The following DAZL variants were observed in gnomAD, a reference collection of about 807,000 sequenced individuals.
The protein encoded by DAZL is deleted in azoospermia-like.
Under a neutral mutation model 45.0 loss-of-function variants are expected in DAZL, and 4 were observed. That is an observed-to-expected ratio of 0.09 (90% CI 0.04 to 0.20). The LOEUF (loss-of-function observed/expected upper bound fraction) is 0.20. Among genes scored for constraint, DAZL ranks in the 10% least tolerant of loss-of-function variants. DAZL has a pLI of 1.00. For missense variants in DAZL, 326 were observed against 351.3 expected (o/e 0.93, Z 0.58); for synonymous variants, 122 against 112.4 (o/e 1.09, Z -0.54).
At chr3:16,591,748 G>GT (rs1575415925) in intron 10 of DAZL, among the ~76,000 whole-genome samples, 1 of 152,074 alleles carries the variant, frequency 6.6e-6, no homozygotes, top group African/African-American at 2.4e-5. Flanking sequence ...TCTGCTTTCT[G>GT]TATCTAAAAT....
rs1044911177 is a variant in DAZL at position 16,605,117 on chromosome 3, T to C, written c.3+86A>G. 5.8e-6 allele frequency: 9 copies of C among 1,555,328 alleles called. No homozygotes were observed. In the African/African-American group the frequency reaches 1.2e-4, roughly 21 times the overall value. On this transcript the variant is annotated intron_variant, in intron 1 of 10. Transcript: ENST00000399444. ...CCCAAACAGGAAAGCCGAGGATGACTTCACTTTCCGACCCTGCAGAGCCGA... is the reference window on the plus strand; with the variant it reads ...CCCAAACAGGAAAGCCGAGGATGACCTCACTTTCCGACCCTGCAGAGCCGA...
chr3:16,603,466 C>T (rs1318828199), intron 1 of DAZL, among the ~76,000 whole-genome samples: 1 of 152,012 alleles, frequency 6.6e-6, no homozygotes, highest in Non-Finnish European at 1.5e-5. Flanking sequence ...CCTGCCTCAG[C>T]CTCCCGAGTA....
At chr3:16,604,296 A>G in intron 1 of DAZL, 2 of 707,172 alleles carry the variant, frequency 2.8e-6, no homozygotes, top group Non-Finnish European at 4.6e-6. Flanking sequence ...AACGCTAGGC[A>G]TTTACCAAAC....
Position 16,596,744 on chromosome 3 carries a change from T to G in DAZL, c.498+6A>C, listed in dbSNP as rs1232232370. 2 of 1,613,472 alleles carry G rather than the reference T, an allele frequency of 1.2e-6. No homozygotes were observed. The highest frequency in any genetic ancestry group is 1.7e-6 in the Non-Finnish European group (2 of 1,179,528). ...CAAGAGAATAGGAACGTTAAGCAAT[T>G]CTTACCTGAACATACTGAGTTATAG... On this transcript the variant is annotated splice_donor_region_variant and intron_variant, in intron 6 of 10. Coordinates refer to ENST00000399444, the MANE Select transcript of DAZL (RefSeq NM_001351.4).
intron 1 of DAZL, 39 bp from the exon 2 acceptor site, chr3:16,598,637 G>A (rs1450642250): frequency 1.3e-6 from 2 of 1,571,828 alleles, no homozygotes; most frequent in Middle Eastern, 3.6e-4. Context: ...TAGATACACA[G>A]GAAAAACCTA....
intron 1 of DAZL, among the ~76,000 whole-genome samples, chr3:16,601,493 TG>T (rs1694688799): frequency 6.6e-6 from 1 of 152,186 alleles, no homozygotes; most frequent in African/African-American, 2.4e-5. Context: ...TACCACGGCT[TG>T]ATTAGCAAGG....
chr3:16,600,343 C>A (rs575473532), intron 1 of DAZL, among the ~76,000 whole-genome samples: 1 of 152,298 alleles, frequency 6.6e-6, no homozygotes, highest in South Asian at 2.1e-4. Flanking sequence ...GAGATGAAAT[C>A]TAAATTGTCA....
chr3:16,594,818 C>G (rs73035070), intron 7 of DAZL, among the ~76,000 whole-genome samples: 28,385 of 151,946 alleles, frequency 0.19, 3,435 homozygotes, highest in African/African-American at 0.34. Flanking sequence ...GTGGAAATCT[C>G]AGAGATATTA....
Position 16,598,552 on chromosome 3 carries a change from G to A in DAZL, c.50C>T (p.Ala17Val), listed in dbSNP as rs1694635090. 6.2e-7 allele frequency: 1 copy of A among 1,602,894 alleles called. No homozygotes were observed. Among genetic ancestry groups the A allele is most frequent in the Non-Finnish European group, 8.5e-7 (1 of 1,179,060 alleles). Residue 17 changes from alanine (A) to valine (V), a missense_variant, in exon 2 of 11, where the codon GCC becomes GTC. Physicochemically the swap from Ala to Val is moderately conservative, Grantham distance 64. Transcript: ENST00000399444. The part of the protein sequence containing the change: ...ETPNSTISRE[A>V]STQSSSAATS... The stretch of plus-strand genomic sequence containing the variant: ...TGCAGCTGATGAGGACTGGGTGCTG[G>A]CCTCTCTGGAGATGGTTGAGTTTGG...
At chr3:16,595,278 T>C (rs2303590) in intron 7 of DAZL, 36 bp downstream of exon 7, 168,832 of 1,235,526 alleles carry the variant, frequency 0.14, 14,749 homozygotes, top group East Asian at 0.42. Flanking sequence ...CTCAATAAAA[T>C]CTGAAAGTAA....
intron 10 of DAZL, among the ~76,000 whole-genome samples, chr3:16,590,152 G>C (rs978273397): frequency 6.9e-6 from 1 of 145,222 alleles, no homozygotes; most frequent in African/African-American, 2.4e-5. Context: ...GTAATCATCA[G>C]AACTTTGGGC....
At chr3:16,602,189 A>C (rs1208689117) in intron 1 of DAZL, among the ~76,000 whole-genome samples, 1 of 152,174 alleles carries the variant, frequency 6.6e-6, no homozygotes, top group Non-Finnish European at 1.5e-5. Context: ...AAGGCAAGAA[A>C]GCAAAAGGAT....
chr3:16,598,329 G>A, intron 2 of DAZL, 123 bp downstream of exon 2: 2 of 1,449,118 alleles, frequency 1.4e-6, no homozygotes, highest in Non-Finnish European at 1.9e-6. Flanking sequence ...AGTACCTATG[G>A]GTCAAATGTA....
In DAZL at chr3:16,604,358, G is replaced by A. The variant is rs1045676284; in HGVS notation, c.3+845C>T. The A allele has an allele frequency of 1.2e-5, 15 of 1,253,686 alleles. No homozygotes were observed. In the African/African-American group the frequency reaches 2.3e-4, roughly 19 times the overall value. 77.7% of individuals were successfully genotyped at this position (1,253,686 alleles called of 1,614,324 possible). On this transcript the variant is annotated intron_variant, in intron 1 of 10. Transcript: ENST00000399444. ...CTACCAAATGGACATTTTGTCAAAG[G>A]ATCCTGGTTTATCGAGAGGGAAAAA...
intron 1 of DAZL, among the ~76,000 whole-genome samples, chr3:16,600,386 T>C (rs1328176074): frequency 1.3e-5 from 2 of 152,248 alleles, no homozygotes; most frequent in African/African-American, 4.8e-5. Flanking sequence ...TGCTTTTCTC[T>C]ATTCGTTTGT....
At chr3:16,604,781 G>A (rs998559863) in intron 1 of DAZL, 8 of 1,362,022 alleles carry the variant, frequency 5.9e-6, no homozygotes, top group Non-Finnish European at 7.5e-6. Flanking sequence ...GGGCGGAGGC[G>A]CGTGGGAGTG....
At chr3:16,597,242 G>A (rs1166943906) in intron 4 of DAZL, among the ~76,000 whole-genome samples, 191 bp from the exon 5 acceptor site, 1 of 152,100 alleles carries the variant, frequency 6.6e-6, no homozygotes, top group Non-Finnish European at 1.5e-5. Context: ...GAGGCATCAA[G>A]TGAAAGTTGA....
intron 7 of DAZL, among the ~76,000 whole-genome samples, chr3:16,594,786 C>G (rs1291437098): frequency 6.6e-6 from 1 of 151,908 alleles, no homozygotes; most frequent in Admixed American, 6.6e-5. Flanking sequence ...CACCTTTTTC[C>G]CAATTTTCTG....
chr3:16,599,116 C>T (rs1694645069), intron 1 of DAZL, among the ~76,000 whole-genome samples: 1 of 151,868 alleles, frequency 6.6e-6, no homozygotes, highest in Non-Finnish European at 1.5e-5. Context: ...CAGTATTGCT[C>T]ATTACCGAGT....
Sources: gnomAD v4.1 joint callset for allele counts (sites outside exome capture counted in the v4.1 genomes callset) on GRCh38, gnomAD v4.1.1 for gene constraint, MANE v1.5 for transcripts, NCBI Gene and HGNC (gene_info 2026-07-23, HGNC 2026-07-21) for gene names.